The following NBEA variants were observed in gnomAD, a reference collection of about 807,000 sequenced individuals.
The protein encoded by NBEA is lysosomal-trafficking regulator 2.
In NBEA, 44 loss-of-function variants were observed where a neutral mutation model predicts 343.4. That is an observed-to-expected ratio of 0.13 (90% CI 0.10 to 0.16). The LOEUF (loss-of-function observed/expected upper bound fraction) is 0.16. Ranked by LOEUF, NBEA falls within the 10% of genes least tolerant of loss-of-function variation. NBEA has a pLI of 1.00. For missense variants in NBEA, 2,555 were observed against 3,631.3 expected, an observed-to-expected ratio of 0.70 and a Z score of 7.62; for synonymous variants, 1,175 against 1,238.7, an observed-to-expected ratio of 0.95 and a Z score of 1.08.
At chr13:35,569,093 A>ATAC (rs1362013559) in intron 45 of NBEA, among the ~76,000 whole-genome samples, 1 of 152,202 alleles carries the variant, frequency 6.6e-6, no homozygotes, top group Non-Finnish European at 1.5e-5. Context: ...ATATGACAAT[A>ATAC]ATAGAGTGGT....
chr13:35,669,681 C>G (rs916659704), intron 58 of NBEA, among the ~76,000 whole-genome samples: 6 of 152,162 alleles, frequency 3.9e-5, no homozygotes, highest in African/African-American at 1.4e-4. Flanking sequence ...TAAGCAGTTT[C>G]AATATTTCCC....
intron 30 of NBEA, among the ~76,000 whole-genome samples, chr13:35,192,251 A>G (rs572544453): frequency 6.6e-6 from 1 of 152,140 alleles, no homozygotes; most frequent in East Asian, 1.9e-4. Context: ...TTAGTGTCAC[A>G]AAGAGGTATT....
At chr13:35,588,672 G>A (rs2153041331) in intron 46 of NBEA, among the ~76,000 whole-genome samples, 1 of 152,210 alleles carries the variant, frequency 6.6e-6, no homozygotes, top group Non-Finnish European at 1.5e-5. Flanking sequence ...TAAACTTATA[G>A]CAGTGTTTGG....
At chr13:35,505,925 T>C (rs929067661) in intron 41 of NBEA, among the ~76,000 whole-genome samples, 1 of 152,180 alleles carries the variant, frequency 6.6e-6, no homozygotes, top group Admixed American at 6.5e-5. Flanking sequence ...AAACACCATT[T>C]ACTTTCAATT....
intron 33 of NBEA, among the ~76,000 whole-genome samples, chr13:35,225,795 T>C (rs1190387886): frequency 6.6e-6 from 1 of 152,152 alleles, no homozygotes; most frequent in Non-Finnish European, 1.5e-5. Flanking sequence ...GGAGTTCCTA[T>C]CCTCAGATTT....
chr13:35,010,062 G>A (rs1489408157), intron 1 of NBEA, among the ~76,000 whole-genome samples: 2 of 152,124 alleles, frequency 1.3e-5, no homozygotes, highest in African/African-American at 4.8e-5. Flanking sequence ...AGTTTTATAT[G>A]CCTGTTGTGC....
chr13:35,010,741 A>AAAAATAT (rs1555275017), intron 1 of NBEA, among the ~76,000 whole-genome samples: 2 of 31,966 alleles, frequency 6.3e-5, no homozygotes, highest in African/African-American at 2.0e-4. Flanking sequence ...AAAAAAAAAA[A>AAAAATAT]ATATATATAT....
chr13:35,018,994 C>A (rs909803824), intron 1 of NBEA, among the ~76,000 whole-genome samples: 1 of 150,176 alleles, frequency 6.7e-6, no homozygotes, highest in Admixed American at 6.6e-5. Context: ...TATCTTTTGA[C>A]ATCATCATGT....
intron 41 of NBEA, among the ~76,000 whole-genome samples, chr13:35,503,870 G>T (rs2076978512): frequency 6.6e-6 from 1 of 151,952 alleles, no homozygotes; most frequent in Admixed American, 6.6e-5. Flanking sequence ...ATTTCTTCGT[G>T]CTCTATAGCT....
chr13:35,192,930 A>T (rs2072305408), intron 30 of NBEA, among the ~76,000 whole-genome samples: 1 of 151,976 alleles, frequency 6.6e-6, no homozygotes, highest in South Asian at 2.1e-4. Context: ...CATTATATTA[A>T]TGGAAAGTCA....
chr13:35,578,054 T>G (rs1380216882), intron 45 of NBEA, among the ~76,000 whole-genome samples: 1 of 152,218 alleles, frequency 6.6e-6, no homozygotes, highest in Non-Finnish European at 1.5e-5. Context: ...AGCCCTTGAT[T>G]ACAAAAGATA....
At chr13:35,598,791 A>G (rs2769334) in intron 47 of NBEA, among the ~76,000 whole-genome samples, 75,664 of 151,924 alleles carry the variant, frequency 0.5, 20,259 homozygotes, top group Admixed American at 0.63. Context: ...GCTTTATTCT[A>G]TGGCCATATT....
At chr13:35,311,732 T>C (rs1324113299) in intron 36 of NBEA, among the ~76,000 whole-genome samples, 1 of 152,044 alleles carries the variant, frequency 6.6e-6, no homozygotes, top group African/African-American at 2.4e-5. Context: ...CAGGTGCCCG[T>C]AATCCCAGCC....
intron 17 of NBEA, among the ~76,000 whole-genome samples, chr13:35,131,231 A>G (rs1444310773): frequency 1.3e-5 from 2 of 152,112 alleles, no homozygotes; most frequent in Non-Finnish European, 2.9e-5. Context: ...ATCGGCCACT[A>G]TTTCACCTAA....
chr13:35,096,948 T>A (rs2065365714), intron 10 of NBEA, among the ~76,000 whole-genome samples: 1 of 151,922 alleles, frequency 6.6e-6, no homozygotes, highest in Non-Finnish European at 1.5e-5. Flanking sequence ...ATATCATTGA[T>A]TTGTGATAGT....
At chr13:34,950,256 T>G (rs946335343) in intron 1 of NBEA, among the ~76,000 whole-genome samples, 2 of 152,220 alleles carry the variant, frequency 1.3e-5, no homozygotes, top group Non-Finnish European at 2.9e-5. Flanking sequence ...TCGCTGGGGT[T>G]GCTGAAAATG....
chr13:34,994,835 T>C (rs1252104556), intron 1 of NBEA, among the ~76,000 whole-genome samples: 1 of 152,172 alleles, frequency 6.6e-6, no homozygotes, highest in African/African-American at 2.4e-5. Flanking sequence ...TGCATATGGA[T>C]GGTTTTTGGT....
chr13:35,252,689 G>C (rs1186377946), intron 34 of NBEA, among the ~76,000 whole-genome samples: 1 of 152,140 alleles, frequency 6.6e-6, no homozygotes, highest in Non-Finnish European at 1.5e-5. Flanking sequence ...CACAGATGCA[G>C]CTGAAGAGAG....
intron 1 of NBEA, among the ~76,000 whole-genome samples, chr13:35,031,880 A>G (rs779680152): frequency 6.6e-6 from 1 of 151,678 alleles, no homozygotes. Context: ...GCTCCCACTT[A>G]TAAGTGAGAA....
Sources: allele counts gnomAD v4.1 joint callset (sites outside exome capture counted in the v4.1 genomes callset), GRCh38; gene constraint gnomAD v4.1.1; transcripts MANE v1.5; gene names NCBI Gene and HGNC (gene_info 2026-07-23, HGNC 2026-07-21).